Variants in ITPA observed in about 807,000 individuals in gnomAD.
ITPA encodes the protein inosine triphosphate pyrophosphatase.
ITPA carries 29 observed loss-of-function variants against 29.6 expected under a neutral mutation model. The ratio of observed to expected loss-of-function variants is 0.98; its 90% confidence interval spans 0.73 to 1.34. ITPA has a LOEUF of 1.34. ITPA is among the 40% of genes most tolerant of loss of function. ITPA has a pLI of 0.00. For synonymous variants in ITPA, 103 were observed against 99.3 expected (o/e 1.04, Z -0.22); for missense variants, 241 against 251.5 (o/e 0.96, Z 0.28).
chr20:3,223,417 G>A lies in ITPA; in HGVS notation c.540G>A (p.Arg180=), dbSNP rs202174987. 646 of 1,613,880 alleles carry A rather than the reference G, an allele frequency of 4.0e-4. 3 individuals are homozygous for A. Among genetic ancestry groups the A allele is most frequent in the East Asian group, 3.1e-3 (140 of 44,886 alleles). The change falls in exon 8 of 8, where the codon CGG becomes CGA. Residue 180 remains arginine, a synonymous_variant. Coordinates refer to ENST00000380113, the MANE Select transcript of ITPA (RefSeq NM_033453.4). ...AEKNAVSHRF[R]ALLELQEYFG... is the part of the protein sequence containing the mutation. Reference sequence around the variant, plus strand: ...AGAACGCTGTCTCCCATCGCTTCCGGGCCCTGCTGGAGCTGCAGGAGTACT... The same window carrying A: ...AGAACGCTGTCTCCCATCGCTTCCGAGCCCTGCTGGAGCTGCAGGAGTACT...
At chr20:3,221,503 C>A (rs2067461306) in intron 6 of ITPA, among the ~76,000 whole-genome samples, 1 of 149,418 alleles carries the variant, frequency 6.7e-6, no homozygotes, top group African/African-American at 2.4e-5. Context: ...CGTTTTCTGT[C>A]TATCTTTCTT....
rs148875609 is a variant in ITPA, at chr20:3,223,398, C to T, written c.521C>T (p.Ala174Val). 43 of 1,613,812 alleles carry T rather than the reference C, an allele frequency of 2.7e-5. No homozygotes were observed. The highest frequency in any genetic ancestry group is 1.6e-4 in the Middle Eastern group (1 of 6,084). Residue 174 changes from alanine to valine, a missense_variant, in exon 8 of 8, where the codon GCT becomes GTT. Ala to Val is a moderately conservative substitution (Grantham distance 64). Transcript: ENST00000380113. ...YAEMPKAEKNAVSHRFRALLE... is the reference protein window; with the variant it reads ...YAEMPKAEKNVVSHRFRALLE... ...GAGATGCCTAAGGCGGAGAAGAACGCTGTCTCCCATCGCTTCCGGGCCCTG... is the reference window on the plus strand; with the variant it reads ...GAGATGCCTAAGGCGGAGAAGAACGTTGTCTCCCATCGCTTCCGGGCCCTG...
intron 6 of ITPA, among the ~76,000 whole-genome samples, chr20:3,219,384 G>A (rs1414986386): frequency 6.6e-6 from 1 of 151,732 alleles, no homozygotes; most frequent in African/African-American, 2.4e-5. Flanking sequence ...CCCAGCGGGA[G>A]GCTTTCTTGA....
At chr20:3,220,717 TA>T (rs35002933) in intron 6 of ITPA, among the ~76,000 whole-genome samples, 36,530 of 140,870 alleles carry the variant, frequency 0.26, 5,254 homozygotes, top group South Asian at 0.51. Flanking sequence ...TCTGGCTAAT[TA>T]AAAAAAAAAA....
At chr20:3,211,052 A>T (rs1021330264) in intron 1 of ITPA, among the ~76,000 whole-genome samples, 1 of 137,726 alleles carries the variant, frequency 7.3e-6, no homozygotes, top group Non-Finnish European at 1.6e-5. Context: ...ACAGAGTGAG[A>T]CTCTGTCTCA....
At chr20:3,204,628 G>A (rs1275040133), upstream of ITPA, 4 of 1,581,554 alleles carry the variant, frequency 2.5e-6, no homozygotes, top group South Asian at 2.3e-5. Context: ...GCGCCACCAT[G>A]ACGAGGGCCT....
At chr20:3,218,744 G>C (rs923567799) in intron 6 of ITPA, 112 bp downstream of exon 6, 1 of 764,642 alleles carries the variant, frequency 1.3e-6, no homozygotes, top group Non-Finnish European at 2.3e-6. Context: ...CTTGGGGCCA[G>C]AGATATCTGT....
rs1183766223 is a variant in ITPA at position 3,223,664 on chromosome 20, C to A, written c.*202C>A. The A allele has an allele frequency of 8.2e-6, 5 of 611,438 alleles. No homozygotes were observed. Among genetic ancestry groups the A allele is most frequent in the Non-Finnish European group, 1.5e-5 (5 of 339,770 alleles). The allele number at this position is 611,438 out of a possible 1,614,324, so 37.9% of individuals were successfully genotyped here. On this transcript the variant is annotated 3_prime_UTR_variant, in exon 8 of 8. Coordinates refer to ENST00000380113, the MANE Select transcript of ITPA (RefSeq NM_033453.4). ...TGGCAAGTGGACGCCATTCTCTTGC[C>A]CTTAGGATTCACTGCTCTCTCCTAC...
chr20:3,223,796 A>C lies in ITPA; in HGVS notation c.*334A>C. 2.7e-6 allele frequency: 1 copy of C among 372,412 alleles called. No homozygotes were observed. Among genetic ancestry groups the C allele is most frequent in the Non-Finnish European group, 5.1e-6 (1 of 198,008 alleles). The allele number at this position is 372,412 out of a possible 1,614,324, so 23.1% of individuals were successfully genotyped here. On this transcript the variant is annotated 3_prime_UTR_variant, in exon 8 of 8. Transcript: ENST00000380113. Reference sequence around the variant, plus strand: ...GCAAATCGCCTTCCATGGTTTTTAAATGCAGTAAATAACATTTCTGGATGA... The same window carrying C: ...GCAAATCGCCTTCCATGGTTTTTAACTGCAGTAAATAACATTTCTGGATGA...
At chr20:3,206,034 C>T (rs1384928423), upstream of ITPA, among the ~76,000 whole-genome samples, 3 of 134,322 alleles carry the variant, frequency 2.2e-5, no homozygotes, top group South Asian at 4.7e-4. Flanking sequence ...CCAGCCTGAG[C>T]GACAGAGCAA....
rs767520628 is a variant in ITPA, at chr20:3,213,379, G to T, written c.185G>T (p.Arg62Leu). The change falls in exon 3 of 8, where the codon CGC becomes CTC. Residue 62 changes from arginine to leucine, a missense_variant. Physicochemically the swap from Arg to Leu is moderately radical, Grantham distance 102 (BLOSUM62 -2). Transcript: ENST00000380113. ...ISIQKCQEAV[R>L]QVQGPVLVED... ...ATACAGAAATGTCAGGAGGCAGTTC[G>T]CCAGGTGCTTGCCCTGCCCTTGTCC... 15 of 1,613,774 alleles carry T rather than the reference G, an allele frequency of 9.3e-6. No homozygotes were observed. The South Asian group carries it at 1.1e-4, about 12-fold the overall frequency.
At chr20:3,212,254 A>T (rs2067191424) in intron 1 of ITPA, among the ~76,000 whole-genome samples, 1 of 152,164 alleles carries the variant, frequency 6.6e-6, no homozygotes, top group Non-Finnish European at 1.5e-5. Flanking sequence ...AATATTTGTG[A>T]TTTAGTTATA....
chr20:3,221,731 AGT>A (rs953864010), intron 6 of ITPA, 108 bp from the exon 7 acceptor site: 14 of 1,001,118 alleles, frequency 1.4e-5, no homozygotes, highest in Non-Finnish European at 2.2e-5. Flanking sequence ...ATTTTGCGTA[AGT>A]TGGGTCAAAT....
chr20:3,204,626 A>G (rs754591550), upstream of ITPA: 20 of 1,582,744 alleles, frequency 1.3e-5, no homozygotes, highest in Admixed American at 3.1e-4. Context: ...AGGCGCCACC[A>G]TGACGAGGGC....
In ITPA at chr20:3,214,073, C is replaced by T; in HGVS notation, c.263+15C>T. 1.9e-6 allele frequency: 3 copies of T among 1,613,350 alleles called. No homozygotes were observed. Among genetic ancestry groups the T allele is most frequent in the Non-Finnish European group, 2.5e-6 (3 of 1,179,264 alleles). On this transcript the variant is annotated intron_variant, in intron 4 of 7. Transcript: ENST00000380113. ...GGCCCCTACATGTGAGTGACTACCT[C>T]CACCCCCTTACAGGGCGTCAGGCCC...
At chr20:3,204,747 A>C (rs2067059237), upstream of ITPA, 1 of 939,368 alleles carries the variant, frequency 1.1e-6, no homozygotes, top group Non-Finnish European at 1.6e-6. Flanking sequence ...GCGGCACATC[A>C]CAGAGAGGCT....
chr20:3,219,740 C>T (rs1211217710), intron 6 of ITPA, among the ~76,000 whole-genome samples: 12 of 119,204 alleles, frequency 1.0e-4, no homozygotes, highest in Non-Finnish European at 2.1e-4. Flanking sequence ...AGTGAGACTC[C>T]GTCTCCAAAA....
At chr20:3,220,057 A>C (rs531277036) in intron 6 of ITPA, among the ~76,000 whole-genome samples, 25 of 149,072 alleles carry the variant, frequency 1.7e-4, no homozygotes, top group African/African-American at 5.5e-4. Context: ...AAAAAAAAAA[A>C]AAAAACAAAC....
chr20:3,215,471 C>G (rs1195717708), intron 5 of ITPA, among the ~76,000 whole-genome samples, 159 bp downstream of exon 5: 1 of 152,186 alleles, frequency 6.6e-6, no homozygotes, highest in Non-Finnish European at 1.5e-5. Flanking sequence ...AGCTCGTACC[C>G]TGTACTCCAG....
Sources: gnomAD v4.1 joint callset for allele counts (sites outside exome capture counted in the v4.1 genomes callset) on GRCh38, gnomAD v4.1.1 for gene constraint, MANE v1.5 for transcripts, NCBI Gene and HGNC (gene_info 2026-07-23, HGNC 2026-07-21) for gene names.